Variants in MYBBP1A observed in about 807,000 individuals in gnomAD.
MYBBP1A encodes the protein MYB binding protein 1a.
Under a neutral mutation model 136.3 loss-of-function variants are expected in MYBBP1A, and 147 were observed. The observed-to-expected ratio is 1.08, with a 90% CI of 0.94 to 1.24. MYBBP1A has a LOEUF of 1.24. Ranked by LOEUF, MYBBP1A falls within the 50% of genes most tolerant of loss-of-function variation. The pLI is 0.00. For missense variants in MYBBP1A, 2,060 were observed against 1,727.4 expected (o/e 1.19, Z -3.41); for synonymous variants, 947 against 735.8 (o/e 1.29, Z -4.65).
At chr17:4,543,584 G>A (rs1474201116) in intron 19 of MYBBP1A, among the ~76,000 whole-genome samples, 1 of 152,108 alleles carries the variant, frequency 6.6e-6, no homozygotes, top group Non-Finnish European at 1.5e-5. Context: ...CTCAACAAAC[G>A]ACACTGTCCA....
Position 4,545,288 on chromosome 17 carries a change from A to C in MYBBP1A, c.2131T>G (p.Ser711Ala). Residue 711 changes from serine (S) to alanine (A), a missense_variant, in exon 16 of 26, where the codon TCT becomes GCT. Ser to Ala is a moderately conservative substitution (Grantham distance 99). Transcript: ENST00000254718. ...ENDRVVVTDD[S>A]DERRLKGAED... The stretch of plus-strand genomic sequence containing the variant: ...GCACCCTTCAGCCGCCGCTCATCAG[A>C]ATCGTCCGTCACCACCACACGGTCA... The C allele has an allele frequency of 6.2e-7, 1 of 1,612,566 alleles. No individual in the cohort carries two copies. Among genetic ancestry groups the C allele is most frequent in the Non-Finnish European group, 8.5e-7 (1 of 1,179,792 alleles).
chr17:4,552,236 G>A lies in MYBBP1A; in HGVS notation c.794C>T (p.Pro265Leu), dbSNP rs756877525. The A allele has an allele frequency of 1.9e-6, 3 of 1,614,076 alleles. No individual in the cohort carries two copies. The highest frequency in any genetic ancestry group is 3.3e-5 in the Admixed American group (2 of 60,008). ...GCGGAGCAGGTCCAGAGCAATGGCG[G>A]GCAGCTTGCGGTCCTTCTTCACAGA... is the stretch of plus-strand genomic sequence containing the variant. Reference protein sequence around the residue: ...ASSVKKDRKLPAIALDLLRLA... With the variant: ...ASSVKKDRKLLAIALDLLRLA... Residue 265 changes from proline to leucine, a missense_variant, in exon 7 of 26, where the codon CCC becomes CTC. Pro to Leu is a moderately conservative substitution (Grantham distance 98). Transcript: ENST00000254718. This position sits in a 1 kb window ranked among gnomAD's most constrained non-coding sequence, Gnocchi z 4.7.
In MYBBP1A at chr17:4,544,518, G is replaced by A. The variant is rs761716677; in HGVS notation, c.2610C>T (p.Asp870=). 5 of 1,553,438 alleles carry A rather than the reference G, an allele frequency of 3.2e-6. No homozygotes were observed. The South Asian group carries it at 4.7e-5, about 15-fold the overall frequency. Residue 870 remains aspartate (D), a synonymous_variant, in exon 19 of 26, where the codon GAC becomes GAT. Transcript: ENST00000254718. The part of the protein sequence containing the change: ...LRSSSSKQEQ[D]LLHKTARIFT... The stretch of plus-strand genomic sequence containing the variant: ...AGATGCGCGCCGTCTTGTGCAGAAG[G>A]TCCTGCTCCTGTTTGGAGCTGCTGC...
chr17:4,552,609 C>A lies in MYBBP1A; in HGVS notation c.579G>T (p.Leu193Phe). The A allele has an allele frequency of 6.2e-7, 1 of 1,613,486 alleles. No individual in the cohort carries two copies. ...DILSEVSKAT[L>F]QEILPEVLKA... is the part of the protein sequence containing the mutation. ...TGAGGACCTCCGGCAGGATCTCCTG[C>A]AATGTGGCCTTCGAGACCTAAGGAT... Residue 193 changes from leucine (L) to phenylalanine (F), a missense_variant, in exon 6 of 26, where the codon TTG becomes TTT. Physicochemically the swap from Leu to Phe is conservative, Grantham distance 22. Transcript: ENST00000254718. This position sits in a 1 kb window ranked among gnomAD's most constrained non-coding sequence, Gnocchi z 4.7.
rs1013460482 is a variant in MYBBP1A at position 4,555,361 on chromosome 17, T to C, written c.-37A>G. ...TCACCGAAACACGAAACACGTGTGCTCCGGCCCCAGCCGCTTCCAGGTCAG... is the reference window on the plus strand; with the variant it reads ...TCACCGAAACACGAAACACGTGTGCCCCGGCCCCAGCCGCTTCCAGGTCAG... On this transcript the variant is annotated 5_prime_UTR_variant, in exon 1 of 26. Coordinates refer to ENST00000254718, the MANE Select transcript of MYBBP1A (RefSeq NM_014520.4). The C allele has an allele frequency of 1.9e-6, 3 of 1,563,638 alleles. No individual in the cohort carries two copies. The African/African-American group carries it at 4.1e-5, about 21-fold the overall frequency.
At chr17:4,546,358 C>A (rs902662438) in intron 13 of MYBBP1A, among the ~76,000 whole-genome samples, 1 of 152,190 alleles carries the variant, frequency 6.6e-6, no homozygotes, top group African/African-American at 2.4e-5. Flanking sequence ...ACCTCGTGAT[C>A]CACCCCCTTG....
chr17:4,545,460 G>A (rs759438195), intron 15 of MYBBP1A, 115 bp from the exon 16 acceptor site: 5 of 1,520,588 alleles, frequency 3.3e-6, no homozygotes, highest in Non-Finnish European at 4.5e-6. Flanking sequence ...CCTAGGAGAG[G>A]CGGCCAGGCC....
Position 4,544,673 on chromosome 17 carries a change from C to CACGGGGGTGGGCGCACAGGGAG in MYBBP1A, c.2482-49_2482-28dup, listed in dbSNP as rs763478642. On this transcript the variant is annotated intron_variant, in intron 18 of 25. Transcript: ENST00000254718. ...TGCAGCCAGGAGGGCAGGTCAGCAA[C>CACGGGGGTGGGCGCACAGGGAG]ACGGGGGTGGGCGCACAGGGAGGCG... The CACGGGGGTGGGCGCACAGGGAG allele has an allele frequency of 3.1e-3, 4,707 of 1,518,234 alleles. 7 individuals carry two copies. Among genetic ancestry groups the CACGGGGGTGGGCGCACAGGGAG allele is most frequent in the Non-Finnish European group, 3.4e-3 (3,902 of 1,138,230 alleles). The allele number at this position is 1,518,234 out of a possible 1,614,324, so 94.0% of individuals were successfully genotyped here.
rs1567610288 is a variant in MYBBP1A at position 4,548,236 on chromosome 17, TG to T, written c.1630del (p.His544ThrfsTer10). ...CAGGAGGTCTGCGAACTGCACCAGG[TG>T]GTAGGTCCAGGGCTGCCCACCCTGG... ...QTQGGQPWTYHLVQFADLLLN... is the reference protein window; with the variant it reads ...QTQGGQPWTYXLVQFADLLLN... On this transcript the variant is annotated frameshift_variant, in exon 12 of 26. Coordinates refer to ENST00000254718, the MANE Select transcript of MYBBP1A (RefSeq NM_014520.4). LOFTEE classifies it high-confidence loss of function. This position sits in a 1 kb window ranked among gnomAD's most constrained non-coding sequence, Gnocchi z 4.2. The T allele has an allele frequency of 1.2e-6, 2 of 1,611,410 alleles. No homozygotes were observed. Among genetic ancestry groups the T allele is most frequent in the African/African-American group, 2.7e-5 (2 of 74,926 alleles).
At position 4,540,368 on chromosome 17, in the gene MYBBP1A, G is replaced by A; in HGVS notation, c.3414C>T (p.Ala1138=). ...CCTACTGGACTCCCAGGGTTTTCAT[G>A]GCCTGCCAGTAGAGGTCGTGCAGGC... ...SSRLHDLYWQ[A]MKTLGVQRPK... is the part of the protein sequence containing the mutation. The change falls in exon 25 of 26, where the codon GCC becomes GCT. Residue 1138 remains alanine, a synonymous_variant. Coordinates refer to ENST00000254718, the MANE Select transcript of MYBBP1A (RefSeq NM_014520.4). 1 of 1,608,454 alleles carries A rather than the reference G, an allele frequency of 6.2e-7. No individual in the cohort carries two copies. Among genetic ancestry groups the A allele is most frequent in the Non-Finnish European group, 8.5e-7 (1 of 1,179,602 alleles).
chr17:4,546,576 A>G (rs915864382), intron 13 of MYBBP1A, among the ~76,000 whole-genome samples: 2 of 152,204 alleles, frequency 1.3e-5, no homozygotes, highest in Non-Finnish European at 1.5e-5. Context: ...CCAGCCCCCA[A>G]TTCATAATTC....
intron 25 of MYBBP1A, among the ~76,000 whole-genome samples, 156 bp from the exon 26 acceptor site, chr17:4,540,123 G>A (rs576119090): frequency 1.9e-4 from 29 of 149,428 alleles, no homozygotes; most frequent in African/African-American, 6.4e-4. Context: ...TGAGGGTCCT[G>A]CGAGGCCCCT....
rs1907874535 is a variant in MYBBP1A, at chr17:4,554,774, G to A, written c.294+87C>T. ...GACCTCTCTCTCGGGCTGCCCCTCC[G>A]CCACAGCTGAGACACCACACCCGCC... On this transcript the variant is annotated intron_variant, in intron 2 of 25. Transcript: ENST00000254718. The A allele has an allele frequency of 1.1e-5, 15 of 1,323,280 alleles. No individual in the cohort carries two copies. In the South Asian group the frequency reaches 1.2e-4, roughly 10 times the overall value. The allele number at this position is 1,323,280 out of a possible 1,614,324, so 82.0% of individuals were successfully genotyped here. A position where few individuals can be genotyped will look rare whatever the true frequency, so the allele number is the denominator to read the frequency against.
At chr17:4,540,552 TC>T in intron 24 of MYBBP1A, 68 bp from the exon 25 acceptor site, 1 of 1,483,704 alleles carries the variant, frequency 6.7e-7, no homozygotes, top group Non-Finnish European at 9.0e-7. Context: ...CTCCCAGTCT[TC>T]CCACCTCTGC....
In MYBBP1A at chr17:4,544,727, G is replaced by T. The variant is rs1484235528; in HGVS notation, c.2481+24C>A. ...GTGGGCGCACAGGGAGGCGGGGGTG[G>T]GTGCGGCCCGCCCCCAGGCTCACCC... On this transcript the variant is annotated intron_variant, in intron 18 of 25. Transcript: ENST00000254718. 1.1e-5 allele frequency: 17 copies of T among 1,515,826 alleles called. 1 individual carries two copies. The South Asian group carries it at 1.4e-4, about 12-fold the overall frequency. 93.9% of individuals were successfully genotyped at this position (1,515,826 alleles called of 1,614,324 possible).
chr17:4,548,361 C>T lies in MYBBP1A; in HGVS notation c.1557-51G>A, dbSNP rs1256672992. 1.9e-6 allele frequency: 3 copies of T among 1,602,414 alleles called. No homozygotes were observed. In the South Asian group the frequency reaches 3.3e-5, roughly 18 times the overall value. On this transcript the variant is annotated intron_variant, in intron 11 of 25. Coordinates refer to ENST00000254718, the MANE Select transcript of MYBBP1A (RefSeq NM_014520.4). The surrounding 1 kb of genome is among the most constrained non-coding windows in gnomAD (Gnocchi z 4.2). ...CAGCAGACCAGATGAGTCAATGTAGCCGCCTCCCTCCGCCCTCCCCAGGGC... is the reference window on the plus strand; with the variant it reads ...CAGCAGACCAGATGAGTCAATGTAGTCGCCTCCCTCCGCCCTCCCCAGGGC...
At chr17:4,543,979 G>A (rs569709542) in intron 19 of MYBBP1A, among the ~76,000 whole-genome samples, 9 of 152,242 alleles carry the variant, frequency 5.9e-5, no homozygotes, top group East Asian at 5.8e-4. Flanking sequence ...CTGTGGCCTC[G>A]CTGCTTGCCT....
Position 4,539,344 on chromosome 17 carries a change from T to TAAA in MYBBP1A, c.*68_*70dup, listed in dbSNP as rs372363229. The stretch of plus-strand genomic sequence containing the variant: ...CAGCTTGCGTATTAAAATCATGGTT[T>TAAA]AAAAAAAAAAAAAAAAAATAGGCGT... On this transcript the variant is annotated 3_prime_UTR_variant, in exon 26 of 26. Transcript: ENST00000254718. 51 of 1,402,192 alleles carry TAAA rather than the reference T, an allele frequency of 3.6e-5. No individual in the cohort carries two copies. Among genetic ancestry groups the TAAA allele is most frequent in the African/African-American group, 3.2e-4 (21 of 66,082 alleles). 86.9% of individuals were successfully genotyped at this position (1,402,192 alleles called of 1,614,324 possible). A position where few individuals can be genotyped will look rare whatever the true frequency, so the allele number is the denominator to read the frequency against.
At chr17:4,540,216 G>A in intron 25 of MYBBP1A, 132 bp downstream of exon 25, 5 of 1,315,522 alleles carry the variant, frequency 3.8e-6, no homozygotes, top group Non-Finnish European at 5.1e-6. Context: ...GCGCTTGAGT[G>A]CATGTGTGTG....
Sources: gnomAD v4.1 joint callset for allele counts (sites outside exome capture counted in the v4.1 genomes callset) on GRCh38, gnomAD v4.1.1 for gene constraint, Gnocchi (gnomAD v3.1) non-coding constraint, MANE v1.5 for transcripts, NCBI Gene and HGNC (gene_info 2026-07-23, HGNC 2026-07-21) for gene names.